ZNF385D: variants seen among roughly 807,000 people sequenced by gnomAD.
ZNF385D encodes zinc finger protein 659.
A neutral mutation model predicts 35.8 loss-of-function variants in ZNF385D; 15 were observed. That is an observed-to-expected ratio of 0.42 (90% confidence interval 0.28 to 0.64). The LOEUF is 0.64. ZNF385D is among the 30% of genes least tolerant of loss of function. The pLI is 0.23. For synonymous variants in ZNF385D, 212 were observed against 186.8 expected (o/e 1.13, Z -1.10); for missense variants, 474 against 494.6 (o/e 0.96, Z 0.39).
In ZNF385D at chr3:22,106,894, C is replaced by A. The variant is rs11917634; in HGVS notation, c.325+61923G>T. On this transcript the variant is annotated intron_variant, in intron 3 of 5. Transcript: ENST00000494108. ...ACTCATTCTTCATAAGAGTGGTCAC[C>A]TAACTCTTCCTCTACTCTTGCTAGT... Among the ~76,000 whole-genome samples, 844 of 152,234 alleles carry A rather than the reference C, an allele frequency of 5.5e-3. 12 individuals carry two copies. The highest frequency in any genetic ancestry group is 0.018 in the African/African-American group (764 of 41,564).
intron 2 of ZNF385D, among the ~76,000 whole-genome samples, chr3:22,245,064 T>G (rs1699700947): frequency 6.6e-6 from 1 of 152,166 alleles, no homozygotes; most frequent in Admixed American, 6.6e-5. Context: ...CGATCTATGC[T>G]GTATAAGTCT....
intron 2 of ZNF385D, among the ~76,000 whole-genome samples, chr3:22,328,050 G>A (rs559336493): frequency 6.6e-6 from 1 of 151,944 alleles, no homozygotes; most frequent in Non-Finnish European, 1.5e-5. Flanking sequence ...CATTACCTAA[G>A]TCTTTTACAT....
At chr3:22,096,035 A>C (rs1701603241) in intron 3 of ZNF385D, among the ~76,000 whole-genome samples, 1 of 151,998 alleles carries the variant, frequency 6.6e-6, no homozygotes, top group East Asian at 1.9e-4. Context: ...AAAATAAAGA[A>C]TTTGAAGGAG....
At chr3:21,983,553 G>C (rs1576081655) in intron 3 of ZNF385D, among the ~76,000 whole-genome samples, 2 of 146,604 alleles carry the variant, frequency 1.4e-5, no homozygotes, top group Admixed American at 7.0e-5. Flanking sequence ...TTTTCTTCAT[G>C]CAGTCTATCA....
intron 4 of ZNF385D, among the ~76,000 whole-genome samples, chr3:21,475,769 G>T (rs376240400): frequency 5.9e-5 from 9 of 152,200 alleles, no homozygotes; most frequent in Non-Finnish European, 1.2e-4. Context: ...GCAAGTGTAA[G>T]GCAGGGAAGA....
At chr3:21,961,821 G>A (rs936262615) in intron 3 of ZNF385D, among the ~76,000 whole-genome samples, 1 of 152,012 alleles carries the variant, frequency 6.6e-6, no homozygotes, top group Non-Finnish European at 1.5e-5. Flanking sequence ...GATGGGATGG[G>A]GAGCAACTCT....
At chr3:22,076,706 A>T (rs1700482368) in intron 3 of ZNF385D, among the ~76,000 whole-genome samples, 2 of 151,976 alleles carry the variant, frequency 1.3e-5, no homozygotes, top group Non-Finnish European at 2.9e-5. Context: ...TTGTTTTTTA[A>T]TGTCTGCATT....
At chr3:21,839,932 G>A (rs764915067) in intron 3 of ZNF385D, among the ~76,000 whole-genome samples, 5 of 151,966 alleles carry the variant, frequency 3.3e-5, no homozygotes, top group Non-Finnish European at 5.9e-5. Flanking sequence ...ACACCGGACT[G>A]CAAATCTCTC....
intron 3 of ZNF385D, among the ~76,000 whole-genome samples, chr3:22,039,637 A>T (rs1303610337): frequency 1.3e-5 from 2 of 152,154 alleles, no homozygotes; most frequent in Admixed American, 1.3e-4. Context: ...AACCTAATAC[A>T]TAATATAAAA....
At chr3:21,538,733 C>T (rs934421579) in intron 3 of ZNF385D, among the ~76,000 whole-genome samples, 1 of 151,950 alleles carries the variant, frequency 6.6e-6, no homozygotes. Context: ...AGTATCTCCA[C>T]AGGGAAAAAA....
chr3:21,677,797 C>T (rs1192679422), intron 1 of ZNF385D, among the ~76,000 whole-genome samples: 1 of 151,758 alleles, frequency 6.6e-6, no homozygotes, highest in Non-Finnish European at 1.5e-5. Context: ...TTCTGTTAGT[C>T]CTTAATAATT....
intron 1 of ZNF385D, among the ~76,000 whole-genome samples, chr3:21,740,242 C>T (rs2069446320): frequency 6.6e-6 from 1 of 152,094 alleles, no homozygotes; most frequent in African/African-American, 2.4e-5. Context: ...CCCACATGTG[C>T]ATAAAGTGGT....
At chr3:21,430,144 A>G (rs908537260) in intron 5 of ZNF385D, among the ~76,000 whole-genome samples, 2 of 152,044 alleles carry the variant, frequency 1.3e-5, no homozygotes, top group Middle Eastern at 3.2e-3. Flanking sequence ...ATTTTTTCCT[A>G]AAGAAGAAAA....
intron 4 of ZNF385D, among the ~76,000 whole-genome samples, chr3:21,479,749 G>A (rs1174915460): frequency 6.6e-6 from 1 of 152,078 alleles, no homozygotes; most frequent in Non-Finnish European, 1.5e-5. Context: ...TCTATAATTT[G>A]CTTCACTTAT....
At chr3:21,930,857 T>C (rs1195588871) in intron 3 of ZNF385D, among the ~76,000 whole-genome samples, 1 of 152,082 alleles carries the variant, frequency 6.6e-6, no homozygotes. Context: ...AGATGAACTA[T>C]GAGATATACA....
At chr3:22,173,456 A>T (rs149072011) in intron 2 of ZNF385D, among the ~76,000 whole-genome samples, 19 of 152,322 alleles carry the variant, frequency 1.2e-4, no homozygotes, top group African/African-American at 4.6e-4. Flanking sequence ...ACTCTAAGAC[A>T]ATTATACAGT....
At chr3:21,989,461 G>A (rs1469865889) in intron 3 of ZNF385D, among the ~76,000 whole-genome samples, 1 of 152,082 alleles carries the variant, frequency 6.6e-6, no homozygotes, top group Non-Finnish European at 1.5e-5. Context: ...TGTGGATTAT[G>A]GATCGGTTTA....
chr3:21,888,182 A>C (rs1698650332), intron 3 of ZNF385D, among the ~76,000 whole-genome samples: 1 of 152,176 alleles, frequency 6.6e-6, no homozygotes, highest in South Asian at 2.1e-4. Flanking sequence ...TAACAGTTCA[A>C]AATTGTATTG....
At chr3:22,276,693 G>T (rs942956273) in intron 2 of ZNF385D, among the ~76,000 whole-genome samples, 4 of 152,098 alleles carry the variant, frequency 2.6e-5, no homozygotes, top group Non-Finnish European at 4.4e-5. Flanking sequence ...TGATACAAGT[G>T]TCCACAGAGT....
Sources: allele counts gnomAD v4.1 joint callset (sites outside exome capture counted in the v4.1 genomes callset), GRCh38; gene constraint gnomAD v4.1.1; transcripts MANE v1.5; gene names NCBI Gene and HGNC (gene_info 2026-07-23, HGNC 2026-07-21).